HS6ST3: variants seen among roughly 807,000 people sequenced by gnomAD.
The protein encoded by HS6ST3 is heparan-sulfate 6-O-sulfotransferase 3.
HS6ST3 carries 12 observed loss-of-function variants against 36.7 expected under a neutral mutation model. The observed-to-expected ratio is 0.33, with a 90% CI of 0.21 to 0.53. The LOEUF (loss-of-function observed/expected upper bound fraction) is 0.53, where lower values mean the gene tolerates loss of function less well. Ranked by LOEUF, HS6ST3 falls within the 20% of genes least tolerant of loss-of-function variation. HS6ST3 has a pLI of 0.95. For missense variants in HS6ST3, 584 were observed against 640.9 expected, an observed-to-expected ratio of 0.91 and a Z score of 0.96; for synonymous variants, 240 against 257.5, an observed-to-expected ratio of 0.93 and a Z score of 0.65.
At chr13:96,450,194 A>G (rs1047126109) in intron 1 of HS6ST3, among the ~76,000 whole-genome samples, 2 of 152,218 alleles carry the variant, frequency 1.3e-5, no homozygotes, top group Admixed American at 6.5e-5. Flanking sequence ...TAGTTCTTAT[A>G]AATGAGTTGG....
At chr13:96,312,327 A>G (rs2054945500) in intron 1 of HS6ST3, among the ~76,000 whole-genome samples, 2 of 152,146 alleles carry the variant, frequency 1.3e-5, no homozygotes, top group African/African-American at 2.4e-5. Context: ...ATCACCAATC[A>G]TATATTGTTT....
At chr13:96,493,725 T>C (rs2055958352) in intron 1 of HS6ST3, among the ~76,000 whole-genome samples, 1 of 152,234 alleles carries the variant, frequency 6.6e-6, no homozygotes, top group Admixed American at 6.5e-5. Context: ...GATAAAGTTT[T>C]CTCTTTCTTA....
intron 1 of HS6ST3, among the ~76,000 whole-genome samples, chr13:96,230,749 A>G (rs1168925889): frequency 6.6e-6 from 1 of 152,180 alleles, no homozygotes; most frequent in Non-Finnish European, 1.5e-5. Context: ...CTCAAAGTCA[A>G]GAGAAGCTTT....
At chr13:96,628,662 T>C (rs1267561561) in intron 1 of HS6ST3, among the ~76,000 whole-genome samples, 1 of 152,126 alleles carries the variant, frequency 6.6e-6, no homozygotes, top group East Asian at 1.9e-4. Context: ...GCCACATTGT[T>C]ACATTTTATA....
intron 1 of HS6ST3, among the ~76,000 whole-genome samples, chr13:96,100,592 G>A (rs2053813541): frequency 6.6e-6 from 1 of 152,172 alleles, no homozygotes; most frequent in African/African-American, 2.4e-5. Flanking sequence ...GAAACTTCTG[G>A]AGAGGAGGTG....
chr13:96,173,018 A>G (rs1278586355), intron 1 of HS6ST3, among the ~76,000 whole-genome samples: 2 of 152,164 alleles, frequency 1.3e-5, no homozygotes, highest in Non-Finnish European at 2.9e-5. Flanking sequence ...GGCTGCAGAT[A>G]AAGATGTGAA....
chr13:96,206,516 A>G (rs1361188979), intron 1 of HS6ST3, among the ~76,000 whole-genome samples: 1 of 152,214 alleles, frequency 6.6e-6, no homozygotes, highest in Non-Finnish European at 1.5e-5. Flanking sequence ...TCCTAAACAA[A>G]AAGAACAAAG....
At position 96,347,847 on chromosome 13, in the gene HS6ST3, C is replaced by CTGA. The variant is rs2055163297; in HGVS notation, c.707+256279_707+256281dup. ...CTCCACCCCTTTCACTATAACTGGG[C>CTGA]TGAGTACGCCGCTCTGTGCTTTCAT... is the stretch of plus-strand genomic sequence containing the variant. On this transcript the variant is annotated intron_variant, in intron 1 of 1. Coordinates refer to ENST00000376705, the MANE Select transcript of HS6ST3 (RefSeq NM_153456.4). Among the ~76,000 whole-genome samples, 5 of 152,302 alleles carry CTGA rather than the reference C, an allele frequency of 3.3e-5. No individual in the cohort carries two copies. In the East Asian group the frequency reaches 9.7e-4, roughly 29 times the overall value.
intron 1 of HS6ST3, among the ~76,000 whole-genome samples, chr13:96,404,009 T>G (rs2055464509): frequency 6.6e-6 from 1 of 152,234 alleles, no homozygotes; most frequent in African/African-American, 2.4e-5. Context: ...TTTATTTGTC[T>G]TTAGTAATGT....
In HS6ST3 at chr13:96,219,798, C is replaced by G. The variant is rs553965106; in HGVS notation, c.707+128229C>G. On this transcript the variant is annotated intron_variant, in intron 1 of 1. Coordinates refer to ENST00000376705, the MANE Select transcript of HS6ST3 (RefSeq NM_153456.4). Reference sequence around the variant, plus strand: ...TCCGGGGTTCAAGCGAGTCTCCTGCCTCAGCCTCCCAAGTAGCTGGGACTA... The same window carrying G: ...TCCGGGGTTCAAGCGAGTCTCCTGCGTCAGCCTCCCAAGTAGCTGGGACTA... Among the ~76,000 whole-genome samples, 25 of 152,288 alleles carry G rather than the reference C, an allele frequency of 1.6e-4. No homozygotes were observed. In the Middle Eastern group the frequency reaches 0.014, roughly 83 times the overall value.
At chr13:96,545,324 C>T (rs2056193784) in intron 1 of HS6ST3, among the ~76,000 whole-genome samples, 1 of 152,148 alleles carries the variant, frequency 6.6e-6, no homozygotes, top group Non-Finnish European at 1.5e-5. Flanking sequence ...GCAGACTTTT[C>T]AGCTGAACAT....
chr13:96,681,010 T>G (rs781703515), intron 1 of HS6ST3, among the ~76,000 whole-genome samples: 1 of 152,208 alleles, frequency 6.6e-6, no homozygotes, highest in Non-Finnish European at 1.5e-5. Context: ...GCAAAACTAC[T>G]CAGCATCATA....
rs1415360198 is a variant in HS6ST3, at chr13:96,566,814, G to T, written c.708-265676G>T. Among the ~76,000 whole-genome samples, 3 of 152,130 alleles carry T rather than the reference G, an allele frequency of 2.0e-5. 1 individual carries two copies. Among genetic ancestry groups the T allele is most frequent in the South Asian group, 4.1e-4 (2 of 4,832 alleles). ...GACTGAGTTAAGGGTTCAACCACAA[G>T]CATGTCAAAAGCTGATCAGTTAAAA... On this transcript the variant is annotated intron_variant, in intron 1 of 1. Coordinates refer to ENST00000376705, the MANE Select transcript of HS6ST3 (RefSeq NM_153456.4).
At chr13:96,702,094 A>T (rs2138453498) in intron 1 of HS6ST3, among the ~76,000 whole-genome samples, 1 of 152,334 alleles carries the variant, frequency 6.6e-6, no homozygotes, top group Non-Finnish European at 1.5e-5. Flanking sequence ...ATGATGTGAA[A>T]AGGGAGATGG....
intron 1 of HS6ST3, among the ~76,000 whole-genome samples, chr13:96,319,405 A>G (rs1257842886): frequency 1.3e-5 from 2 of 152,172 alleles, no homozygotes; most frequent in Admixed American, 1.3e-4. Context: ...GCTCATGGAC[A>G]TTTGGGTTGT....
At chr13:96,181,333 A>G (rs149682828) in intron 1 of HS6ST3, among the ~76,000 whole-genome samples, 28 of 152,328 alleles carry the variant, frequency 1.8e-4, no homozygotes, top group Non-Finnish European at 2.6e-4. Context: ...AAATGTATAC[A>G]CATTGATATT....
intron 1 of HS6ST3, among the ~76,000 whole-genome samples, chr13:96,604,117 T>C (rs1186042443): frequency 6.6e-6 from 1 of 152,180 alleles, no homozygotes; most frequent in Non-Finnish European, 1.5e-5. Flanking sequence ...CAGTTCTGGC[T>C]GTAAAGAAGT....
chr13:96,717,744 G>T (rs906334967), intron 1 of HS6ST3, among the ~76,000 whole-genome samples: 3 of 152,154 alleles, frequency 2.0e-5, no homozygotes, highest in Non-Finnish European at 4.4e-5. Flanking sequence ...TGTCAAGCTG[G>T]AAATGGTGAA....
At chr13:96,580,193 CATATATATATAT>C (rs3051282) in intron 1 of HS6ST3, among the ~76,000 whole-genome samples, 65,378 of 140,444 alleles carry the variant, frequency 0.47, 15,331 homozygotes, top group Non-Finnish European at 0.52. Flanking sequence ...CCCATCCAGA[CATATATATATAT>C]ATATATATAT....
Sources: allele counts gnomAD v4.1 joint callset (sites outside exome capture counted in the v4.1 genomes callset), GRCh38; gene constraint gnomAD v4.1.1; transcripts MANE v1.5; gene names NCBI Gene and HGNC (gene_info 2026-07-23, HGNC 2026-07-21).